Variants in FRMPD1 observed in about 807,000 individuals in gnomAD.
FRMPD1 encodes the protein FERM and PDZ domain-containing protein 1.
FRMPD1 carries 76 observed loss-of-function variants against 117.8 expected under a neutral mutation model. That is an observed-to-expected ratio of 0.65 (90% CI 0.54 to 0.78). The LOEUF (loss-of-function observed/expected upper bound fraction) is 0.78, where lower values mean the gene tolerates loss of function less well. Ranked by LOEUF, FRMPD1 falls within the 30% of genes least tolerant of loss-of-function variation. The pLI is 0.00. For synonymous variants in FRMPD1, 783 were observed against 770.4 expected (o/e 1.02, Z -0.27); for missense variants, 1,786 against 1,964.5 (o/e 0.91, Z 1.72).
chr9:37,744,882 C>T lies in FRMPD1; in HGVS notation c.2850C>T (p.Pro950=). The T allele has an allele frequency of 6.2e-7, 1 of 1,614,180 alleles. No homozygotes were observed. Among genetic ancestry groups the T allele is most frequent in the South Asian group, 1.1e-5 (1 of 91,078 alleles). ...CTGCCATTCGCTTCCGGATTGACCC[C>T]AACAATAAAGAGAATTCTGGTGTTG... ...SISAIRFRID[P]NNKENSGVVP... is the part of the protein sequence containing the mutation. The change falls in exon 16 of 16, where the codon CCC becomes CCT. Residue 950 remains proline (P), a synonymous_variant. Coordinates refer to ENST00000377765, the MANE Select transcript of FRMPD1 (RefSeq NM_014907.3).
intron 7 of FRMPD1, among the ~76,000 whole-genome samples, chr9:37,727,631 A>G (rs1223502330): frequency 6.6e-6 from 1 of 152,192 alleles, no homozygotes; most frequent in Non-Finnish European, 1.5e-5. Flanking sequence ...AATGCCAGGC[A>G]CACAGGCAGC....
the FRMPD1 span, among the ~76,000 whole-genome samples, chr9:37,615,579 A>G: frequency 1.3e-5 from 2 of 152,160 alleles, no homozygotes; most frequent in African/African-American, 4.8e-5. Flanking sequence ...TTGATGTCCT[A>G]TTTTAACTCT....
At chr9:37,638,238 T>C in the FRMPD1 span, among the ~76,000 whole-genome samples, 4 of 151,798 alleles carry the variant, frequency 2.6e-5, no homozygotes, top group African/African-American at 9.7e-5. Context: ...CACGCCTGGA[T>C]AATTTTTGTA....
intron 6 of FRMPD1, among the ~76,000 whole-genome samples, chr9:37,723,782 C>A (rs1237218018): frequency 1.3e-5 from 2 of 151,912 alleles, no homozygotes; most frequent in Non-Finnish European, 2.9e-5. Flanking sequence ...CACCTGAGGT[C>A]AGGAGTTCAA....
intron 1 of FRMPD1, among the ~76,000 whole-genome samples, chr9:37,667,636 A>T (rs1328015477): frequency 1.5e-4 from 23 of 150,912 alleles, no homozygotes. Flanking sequence ...ATGAGACGAG[A>T]TCGTGCCACT....
intron 2 of FRMPD1, among the ~76,000 whole-genome samples, chr9:37,700,547 T>C (rs1281413723): frequency 6.6e-6 from 1 of 152,252 alleles, no homozygotes; most frequent in Admixed American, 6.5e-5. Flanking sequence ...TGTTACAGGA[T>C]AGAGGTAGAA....
chr9:37,681,649 C>G (rs1050235589), intron 1 of FRMPD1, among the ~76,000 whole-genome samples: 4 of 152,166 alleles, frequency 2.6e-5, no homozygotes, highest in African/African-American at 9.7e-5. Context: ...AATAACTTTT[C>G]CTTTGGGCTT....
chr9:37,699,920 T>C (rs527980395), intron 2 of FRMPD1, among the ~76,000 whole-genome samples: 8 of 149,584 alleles, frequency 5.3e-5, no homozygotes, highest in Non-Finnish European at 7.5e-5. Flanking sequence ...CACACACACA[T>C]ATACACACAT....
At chr9:37,638,708 A>G in the FRMPD1 span, among the ~76,000 whole-genome samples, 1 of 152,198 alleles carries the variant, frequency 6.6e-6, no homozygotes, top group Non-Finnish European at 1.5e-5. Flanking sequence ...TGGTGGGCTT[A>G]CTAAAAATTC....
chr9:37,603,836 G>A, the FRMPD1 span, among the ~76,000 whole-genome samples: 2 of 152,060 alleles, frequency 1.3e-5, no homozygotes, highest in South Asian at 2.1e-4. Flanking sequence ...GTGCCACCAC[G>A]CCCGGCTAAT....
chr9:37,644,557 A>G, the FRMPD1 span, among the ~76,000 whole-genome samples: 5 of 152,138 alleles, frequency 3.3e-5, no homozygotes, highest in African/African-American at 1.2e-4. Flanking sequence ...GTGGCCCCCC[A>G]TCTTCAGAGA....
chr9:37,706,820 C>G (rs1375273114), intron 2 of FRMPD1, among the ~76,000 whole-genome samples: 1 of 152,202 alleles, frequency 6.6e-6, no homozygotes, highest in Non-Finnish European at 1.5e-5. Context: ...CATCAAACAT[C>G]TGAACCTGAC....
intron 5 of FRMPD1, 124 bp from the exon 6 acceptor site, chr9:37,718,945 C>G: frequency 1.5e-6 from 1 of 650,244 alleles, no homozygotes; most frequent in Non-Finnish European, 2.8e-6. Flanking sequence ...ATCATCCTTT[C>G]CTGTGGGTTT....
At chr9:37,710,037 T>A (rs1225640081) in intron 4 of FRMPD1, among the ~76,000 whole-genome samples, 1 of 152,208 alleles carries the variant, frequency 6.6e-6, no homozygotes, top group Non-Finnish European at 1.5e-5. Context: ...GCATGTATTA[T>A]TCAGTGTCAC....
intron 1 of FRMPD1, among the ~76,000 whole-genome samples, chr9:37,688,587 A>G (rs2117997787): frequency 6.6e-6 from 1 of 152,260 alleles, no homozygotes; most frequent in African/African-American, 2.4e-5. Flanking sequence ...GCCATTTGCC[A>G]TGAATAAAGA....
upstream of FRMPD1, among the ~76,000 whole-genome samples, chr9:37,646,488 C>T (rs1477105992): frequency 6.6e-5 from 10 of 152,224 alleles, no homozygotes; most frequent in Admixed American, 6.5e-4. Context: ...TTCCCCTCTG[C>T]TTTCCATACA....
intron 1 of FRMPD1, among the ~76,000 whole-genome samples, chr9:37,664,043 G>A (rs550788760): frequency 4.4e-4 from 67 of 152,262 alleles, no homozygotes; most frequent in African/African-American, 1.5e-3. Flanking sequence ...TATGGTACCT[G>A]GAGCATGACA....
intron 2 of FRMPD1, among the ~76,000 whole-genome samples, chr9:37,697,578 AAAAAG>A (rs1016220909): frequency 6.6e-6 from 1 of 152,016 alleles, no homozygotes; most frequent in African/African-American, 2.4e-5. Flanking sequence ...AAAAGAAAAA[AAAAAG>A]AAAAGAAAAG....
chr9:37,737,948 G>C (rs529793241), intron 14 of FRMPD1, among the ~76,000 whole-genome samples: 2 of 151,634 alleles, frequency 1.3e-5, no homozygotes, highest in African/African-American at 4.9e-5. Flanking sequence ...GCAATCTCTT[G>C]AAGTATAAAA....
Sources: gnomAD v4.1 joint callset for allele counts (sites outside exome capture counted in the v4.1 genomes callset) on GRCh38, gnomAD v4.1.1 for gene constraint, MANE v1.5 for transcripts, NCBI Gene and HGNC (gene_info 2026-07-23, HGNC 2026-07-21) for gene names.